CAMTA1: variants seen among roughly 807,000 people sequenced by gnomAD.
CAMTA1 encodes calmodulin binding transcription activator 1, also known as calmodulin-binding transcription activator 1.
A neutral mutation model predicts 170.9 loss-of-function variants in CAMTA1; 27 were observed. The observed-to-expected ratio is 0.16, with a 90% CI of 0.12 to 0.22. The LOEUF is 0.22. CAMTA1 is among the 10% of genes least tolerant of loss of function. The pLI, the probability that CAMTA1 is intolerant of heterozygous loss-of-function variation, is 1.00. For missense variants in CAMTA1, 1,619 were observed against 2,217.2 expected, an observed-to-expected ratio of 0.73 and a Z score of 5.42; for synonymous variants, 833 against 891.5, an observed-to-expected ratio of 0.93 and a Z score of 1.17.
At chr1:7,505,252 G>A (rs1445112365) in intron 6 of CAMTA1, among the ~76,000 whole-genome samples, 1 of 152,238 alleles carries the variant, frequency 6.6e-6, no homozygotes, top group Non-Finnish European at 1.5e-5. Context: ...GCCACAGCAG[G>A]ACTGGCTGCA....
intron 6 of CAMTA1, among the ~76,000 whole-genome samples, chr1:7,538,501 A>G (rs753446553): frequency 6.6e-6 from 1 of 152,196 alleles, no homozygotes; most frequent in African/African-American, 2.4e-5. Flanking sequence ...AAGAAATAAA[A>G]TTAACCAGGT....
Position 7,688,011 on chromosome 1 carries a change from C to CTT in CAMTA1, c.2914+10294_2914+10295dup, listed in dbSNP as rs70987364. ...CGATTACGTCGGACTCTCATTATTC[C>CTT]TTTTTTTTTTTTTTTTTGGCAGAGT... On this transcript the variant is annotated intron_variant, in intron 11 of 22. Coordinates refer to ENST00000303635, the MANE Select transcript of CAMTA1 (RefSeq NM_015215.4). Among the ~76,000 whole-genome samples, 26 of 103,274 alleles carry CTT rather than the reference C, an allele frequency of 2.5e-4. 1 individual carries two copies. Among genetic ancestry groups the CTT allele is most frequent in the African/African-American group, 5.9e-4 (16 of 26,934 alleles). 67.8% of individuals were successfully genotyped at this position (103,274 alleles called of 152,430 possible).
chr1:7,200,038 T>A (rs960504446), intron 4 of CAMTA1, among the ~76,000 whole-genome samples: 1 of 152,202 alleles, frequency 6.6e-6, no homozygotes, highest in Non-Finnish European at 1.5e-5. Context: ...TAATTAAAAT[T>A]TTTATTTGAA....
At chr1:7,488,815 GT>G (rs1375202515) in intron 6 of CAMTA1, among the ~76,000 whole-genome samples, 1 of 151,940 alleles carries the variant, frequency 6.6e-6, no homozygotes. Flanking sequence ...ATACAAATAT[GT>G]ACCTTAACAT....
chr1:7,751,069 C>A, intron 19 of CAMTA1, 130 bp from the exon 20 acceptor site: 4 of 798,806 alleles, frequency 5.0e-6, no homozygotes, highest in South Asian at 3.0e-5. Context: ...TGTGATTAAA[C>A]CCCGGACAGA....
intron 4 of CAMTA1, among the ~76,000 whole-genome samples, chr1:7,159,594 A>G (rs1209255064): frequency 1.3e-5 from 2 of 152,124 alleles, no homozygotes; most frequent in Non-Finnish European, 2.9e-5. Flanking sequence ...CCCAGGCTGA[A>G]GTGCAATGAC....
chr1:7,110,119 C>T (rs1037365482), intron 4 of CAMTA1, among the ~76,000 whole-genome samples: 2 of 152,166 alleles, frequency 1.3e-5, no homozygotes, highest in Admixed American at 6.5e-5. Context: ...TGTTCCTGGG[C>T]TCCAGGTGAT....
At chr1:7,106,377 A>G (rs1451307847) in intron 4 of CAMTA1, among the ~76,000 whole-genome samples, 1 of 152,082 alleles carries the variant, frequency 6.6e-6, no homozygotes, top group Non-Finnish European at 1.5e-5. Flanking sequence ...AGATGGAGGG[A>G]GAAAGAAAGA....
At chr1:7,661,263 G>A (rs2095954424) in intron 7 of CAMTA1, among the ~76,000 whole-genome samples, 1 of 152,176 alleles carries the variant, frequency 6.6e-6, no homozygotes. Context: ...ACACACTCCT[G>A]GGAGAGGCAT....
At position 7,598,406 on chromosome 1, in the gene CAMTA1, G is replaced by A. The variant is rs556480207; in HGVS notation, c.511-41994G>A. Among the ~76,000 whole-genome samples, 12 of 152,288 alleles carry A rather than the reference G, an allele frequency of 7.9e-5. 1 individual carries two copies. In the South Asian group the frequency reaches 2.5e-3, roughly 32 times the overall value. ...TGCCACAATAAACATATGTGTGCAT[G>A]TGTCTTTATAGCAGTATGTTTTATA... On this transcript the variant is annotated intron_variant, in intron 6 of 22. Coordinates refer to ENST00000303635, the MANE Select transcript of CAMTA1 (RefSeq NM_015215.4).
At chr1:7,383,094 A>G (rs1342557355) in intron 5 of CAMTA1, among the ~76,000 whole-genome samples, 3 of 152,220 alleles carry the variant, frequency 2.0e-5, no homozygotes, top group Non-Finnish European at 4.4e-5. Context: ...AGATAATCAC[A>G]TGATCATAAA....
At chr1:6,839,011 C>T (rs1247162266) in intron 3 of CAMTA1, among the ~76,000 whole-genome samples, 3 of 152,110 alleles carry the variant, frequency 2.0e-5, no homozygotes, top group Non-Finnish European at 4.4e-5. Flanking sequence ...CTTGCCTCAG[C>T]CTCCCAAAGT....
intron 3 of CAMTA1, among the ~76,000 whole-genome samples, chr1:7,051,732 C>T (rs996377883): frequency 1.7e-5 from 2 of 118,862 alleles, no homozygotes; most frequent in African/African-American, 5.1e-5. Context: ...GACTCAGGAC[C>T]AGCCTGTGAC....
At chr1:7,074,166 C>T (rs564536914) in intron 3 of CAMTA1, among the ~76,000 whole-genome samples, 3 of 152,218 alleles carry the variant, frequency 2.0e-5, no homozygotes, top group South Asian at 4.2e-4. Context: ...GGGTAAATTC[C>T]CCATTTTGGC....
Position 7,588,705 on chromosome 1 carries a change from C to T in CAMTA1, c.511-51695C>T, listed in dbSNP as rs1423138749. ...CCTGGCAGCACGGCCAGATGGACCT[C>T]TGCTCTCTGCCAGTGAGGTACCTGC... is the stretch of plus-strand genomic sequence containing the variant. On this transcript the variant is annotated intron_variant, in intron 6 of 22. Coordinates refer to ENST00000303635, the MANE Select transcript of CAMTA1 (RefSeq NM_015215.4). This position sits in a 1 kb window ranked among gnomAD's most constrained non-coding sequence, Gnocchi z 5.8. Among the ~76,000 whole-genome samples, 1 of 152,196 alleles carries T rather than the reference C, an allele frequency of 6.6e-6. No individual in the cohort carries two copies. Among genetic ancestry groups the T allele is most frequent in the African/African-American group, 2.4e-5 (1 of 41,456 alleles).
chr1:7,187,422 A>C (rs1653594910), intron 4 of CAMTA1, among the ~76,000 whole-genome samples: 2 of 152,174 alleles, frequency 1.3e-5, no homozygotes, highest in Admixed American at 6.5e-5. Context: ...TTGAAAGCAG[A>C]TGGTGATTTT....
At chr1:7,741,561 C>CA (rs368850510) in intron 16 of CAMTA1, among the ~76,000 whole-genome samples, 154 of 137,252 alleles carry the variant, frequency 1.1e-3, no homozygotes, top group African/African-American at 2.0e-3. Flanking sequence ...GACTCTCTCT[C>CA]AAAAAAAAAA....
chr1:7,475,339 CG>C (rs551062511), intron 6 of CAMTA1, among the ~76,000 whole-genome samples: 145 of 152,016 alleles, frequency 9.5e-4, no homozygotes, highest in Admixed American at 3.3e-3. Flanking sequence ...TGAGGCTTGG[CG>C]GGGGGGATTA....
chr1:7,034,229 C>T (rs1703233893), intron 3 of CAMTA1, among the ~76,000 whole-genome samples: 1 of 152,166 alleles, frequency 6.6e-6, no homozygotes, highest in Admixed American at 6.5e-5. Context: ...GCGATCTTGG[C>T]TCACTGCAAC....
Sources: gnomAD v4.1 joint callset for allele counts (sites outside exome capture counted in the v4.1 genomes callset) on GRCh38, gnomAD v4.1.1 for gene constraint, Gnocchi (gnomAD v3.1) non-coding constraint, MANE v1.5 for transcripts, NCBI Gene and HGNC (gene_info 2026-07-23, HGNC 2026-07-21) for gene names.